The following USP10 variants were observed in gnomAD, a reference collection of about 807,000 sequenced individuals.
The protein encoded by USP10 is ubiquitin specific peptidase 10.
In USP10, 22 loss-of-function variants were observed where a neutral mutation model predicts 84.5. The observed-to-expected ratio is 0.26, with a 90% confidence interval of 0.19 to 0.37. USP10 has a LOEUF of 0.37. Among genes scored for constraint, USP10 ranks in the 10% least tolerant of loss-of-function variants. USP10 has a pLI of 1.00. For missense variants in USP10, 1,019 were observed against 998.9 expected (o/e 1.02, Z -0.27); for synonymous variants, 454 against 387.6 (o/e 1.17, Z -2.01).
chr16:84,776,720 T>TGA (rs1389548783), intron 13 of USP10, among the ~76,000 whole-genome samples: 1 of 152,168 alleles, frequency 6.6e-6, no homozygotes, highest in Non-Finnish European at 1.5e-5. Context: ...GGCCCCAGTG[T>TGA]GAGCACACAC....
At chr16:84,715,255 C>T (rs1906863029) in intron 1 of USP10, among the ~76,000 whole-genome samples, 1 of 152,024 alleles carries the variant, frequency 6.6e-6, no homozygotes, top group African/African-American at 2.4e-5. Flanking sequence ...AATAAGCTGA[C>T]TTATGTTTGG....
In USP10 at chr16:84,744,931, AAAG is replaced by A; in HGVS notation, c.456_458del (p.Lys154del). 6.2e-7 allele frequency: 1 copy of A among 1,613,786 alleles called. No homozygotes were observed. The highest frequency in any genetic ancestry group is 8.5e-7 in the Non-Finnish European group (1 of 1,179,714). ...GTGGTCTTGGACAAAGGGAGCGTAA[AAAG>A]AAGAAAAAGCGGCCACCTGGATATT... On this transcript the variant is annotated inframe_deletion, in exon 4 of 14. Coordinates refer to ENST00000219473, the MANE Select transcript of USP10 (RefSeq NM_005153.3).
At chr16:84,778,652 C>CA (rs1369912701) in intron 13 of USP10, among the ~76,000 whole-genome samples, 2 of 152,172 alleles carry the variant, frequency 1.3e-5, no homozygotes, top group African/African-American at 4.8e-5. Flanking sequence ...AATATGCGTA[C>CA]ATGCACACAT....
chr16:84,702,728 C>T (rs1250512319), intron 1 of USP10, among the ~76,000 whole-genome samples: 2 of 152,040 alleles, frequency 1.3e-5, no homozygotes, highest in South Asian at 2.1e-4. Context: ...CGCGGTGGCT[C>T]GTGCCTGTAA....
intron 1 of USP10, among the ~76,000 whole-genome samples, chr16:84,718,946 C>T (rs909558466): frequency 7.9e-5 from 12 of 151,756 alleles, no homozygotes; most frequent in Admixed American, 6.6e-4. Context: ...GCGCCCGCCA[C>T]CGCACCCAGC....
chr16:84,732,413 T>C (rs6564073), intron 1 of USP10: 395,207 of 396,202 alleles, frequency 1, 197,118 homozygotes, highest in East Asian at 1. Context: ...TTGTGGAAAT[T>C]GCTAATTCTT....
chr16:84,762,184 A>C (rs567742051), intron 8 of USP10, among the ~76,000 whole-genome samples: 2 of 152,350 alleles, frequency 1.3e-5, no homozygotes, highest in East Asian at 3.9e-4. Flanking sequence ...TAACGCTCTA[A>C]ATCAGTGGAG....
At chr16:84,764,660 G>A (rs150896555) in intron 10 of USP10, among the ~76,000 whole-genome samples, 84 of 152,136 alleles carry the variant, frequency 5.5e-4, no homozygotes, top group African/African-American at 1.8e-3. Context: ...GTGAAACCCC[G>A]TCTCTACTAA....
At chr16:84,761,319 A>C (rs1262723496) in intron 8 of USP10, among the ~76,000 whole-genome samples, 1 of 152,192 alleles carries the variant, frequency 6.6e-6, no homozygotes, top group Non-Finnish European at 1.5e-5. Context: ...CTATGAACAA[A>C]AGCATCTTCT....
At chr16:84,701,782 A>T (rs1038068816) in intron 1 of USP10, among the ~76,000 whole-genome samples, 1 of 152,220 alleles carries the variant, frequency 6.6e-6, no homozygotes, top group Non-Finnish European at 1.5e-5. Flanking sequence ...AGCGTTATAC[A>T]CATCTTTAGA....
chr16:84,768,072 G>T (rs1210578774), intron 10 of USP10, 121 bp from the exon 11 acceptor site: 1 of 1,188,442 alleles, frequency 8.4e-7, no homozygotes, highest in African/African-American at 1.5e-5. Context: ...GCTTTTCTCT[G>T]TGGTCTTTTG....
At chr16:84,712,404 G>C (rs1403905213) in intron 1 of USP10, among the ~76,000 whole-genome samples, 1 of 152,210 alleles carries the variant, frequency 6.6e-6, no homozygotes, top group African/African-American at 2.4e-5. Flanking sequence ...CTTGAGTCTG[G>C]TATGGTCTGG....
chr16:84,732,438 C>G (rs1436465900), intron 1 of USP10: 3 of 404,842 alleles, frequency 7.4e-6, no homozygotes, highest in Non-Finnish European at 1.4e-5. Flanking sequence ...ATGACTTCTT[C>G]TTCTTCTTTT....
chr16:84,763,267 C>G (rs574327082), intron 9 of USP10, among the ~76,000 whole-genome samples, 179 bp downstream of exon 9: 1 of 152,024 alleles, frequency 6.6e-6, no homozygotes, highest in East Asian at 1.9e-4. Context: ...CAGTTTATCC[C>G]GAACCTCTGC....
chr16:84,759,352 C>A lies in USP10; in HGVS notation c.1285-11C>A. 2 of 1,612,454 alleles carry A rather than the reference C, an allele frequency of 1.2e-6. No individual in the cohort carries two copies. The highest frequency in any genetic ancestry group is 1.7e-6 in the Non-Finnish European group (2 of 1,178,500). ...TCATTTCCTTTACGCTTCCTTACTG[C>A]CACTACATAGACACTGCAGGCATTG... On this transcript the variant is annotated splice_polypyrimidine_tract_variant and intron_variant, in intron 5 of 13. Coordinates refer to ENST00000219473, the MANE Select transcript of USP10 (RefSeq NM_005153.3).
chr16:84,701,199 C>T (rs1370630045), intron 1 of USP10, among the ~76,000 whole-genome samples: 1 of 152,134 alleles, frequency 6.6e-6, no homozygotes, highest in African/African-American at 2.4e-5. Flanking sequence ...ACATGATTTT[C>T]GGAACTATTG....
chr16:84,711,012 C>G (rs990156462), intron 1 of USP10, among the ~76,000 whole-genome samples: 1 of 152,174 alleles, frequency 6.6e-6, no homozygotes, highest in Admixed American at 6.5e-5. Context: ...GTGCCCCTCC[C>G]TCTGAGTGTG....
At chr16:84,704,200 C>T (rs1206439668) in intron 1 of USP10, among the ~76,000 whole-genome samples, 1 of 151,720 alleles carries the variant, frequency 6.6e-6, no homozygotes, top group African/African-American at 2.4e-5. Context: ...TAATTTCAGA[C>T]ATGTAGGTAC....
At chr16:84,752,931 C>T (rs1298675555) in intron 4 of USP10, among the ~76,000 whole-genome samples, 1 of 152,272 alleles carries the variant, frequency 6.6e-6, no homozygotes, top group East Asian at 1.9e-4. Context: ...TTCTTACAAT[C>T]ATTCCTCTTA....
Sources: gnomAD v4.1 joint callset for allele counts (sites outside exome capture counted in the v4.1 genomes callset) on GRCh38, gnomAD v4.1.1 for gene constraint, MANE v1.5 for transcripts, NCBI Gene and HGNC (gene_info 2026-07-23, HGNC 2026-07-21) for gene names.